CTPS2: variants seen among roughly 807,000 people sequenced by gnomAD.
The protein encoded by CTPS2 is CTP synthase II.
Under a neutral mutation model 46.8 loss-of-function variants are expected in CTPS2, and 19 were observed. The observed-to-expected ratio is 0.41, with a 90% CI of 0.28 to 0.60. The LOEUF is 0.60. CTPS2 is among the 20% of genes least tolerant of loss of function. The pLI, the probability that CTPS2 is intolerant of heterozygous loss-of-function variation, is 0.35. For missense variants in CTPS2, 286 were observed against 447.6 expected (o/e 0.64, Z 3.26); for synonymous variants, 151 against 165.2 (o/e 0.91, Z 0.66).
At chrX:16,592,503 G>A (rs1928963913) in intron 17 of CTPS2, among the ~76,000 whole-genome samples, 2 of 111,612 alleles carry the variant, frequency 1.8e-5, no homozygotes, top group African/African-American at 6.5e-5. Context: ...ATCCAGATCT[G>A]TGCTGGCCTC....
At chrX:16,670,072 ACAC>A (rs1260608388) in intron 11 of CTPS2, among the ~76,000 whole-genome samples, 15 of 70,497 alleles carry the variant, frequency 2.1e-4, no homozygotes, top group Non-Finnish European at 7.7e-5. Flanking sequence ...AAAAAAAAAA[ACAC>A]ACACACACAC....
At chrX:16,701,281 T>G (rs1455493972) in intron 2 of CTPS2, among the ~76,000 whole-genome samples, 1 of 111,808 alleles carries the variant, frequency 8.9e-6, no homozygotes, top group Non-Finnish European at 1.9e-5. Flanking sequence ...CTCATGCCTG[T>G]TGCAGTGGCT....
At chrX:16,595,162 T>TAAACAC (rs1555952295) in intron 17 of CTPS2, among the ~76,000 whole-genome samples, 1 of 102,703 alleles carries the variant, frequency 9.7e-6, no homozygotes, top group Non-Finnish European at 2.0e-5. Flanking sequence ...AGCAATCTTT[T>TAAACAC]ACACACACAC....
At chrX:16,647,568 G>A (rs1399029400) in intron 13 of CTPS2, among the ~76,000 whole-genome samples, 2 of 109,722 alleles carry the variant, frequency 1.8e-5, no homozygotes, top group African/African-American at 6.6e-5. Context: ...GTGCCCGGCC[G>A]CATTGGGCTG....
At chrX:16,667,824 C>G (rs763010579) in intron 11 of CTPS2, 100 bp from the exon 12 acceptor site, 1 of 730,254 alleles carries the variant, frequency 1.4e-6, no homozygotes, top group South Asian at 2.4e-5. Context: ...ATCTAGAATG[C>G]AGACTCCCAG....
At chrX:16,683,525 G>A (rs760441942) in intron 8 of CTPS2, among the ~76,000 whole-genome samples, 1 of 111,711 alleles carries the variant, frequency 9.0e-6, no homozygotes, top group Admixed American at 9.6e-5. Context: ...CTTGAGCCCA[G>A]GAGACCAAGG....
At chrX:16,630,776 A>C (rs754597397) in intron 14 of CTPS2, among the ~76,000 whole-genome samples, 8 of 112,079 alleles carry the variant, frequency 7.1e-5, no homozygotes, top group Non-Finnish European at 1.5e-4. Flanking sequence ...GGGAGCTTTA[A>C]ATTAGGTTGA....
intron 15 of CTPS2, among the ~76,000 whole-genome samples, chrX:16,619,744 T>C (rs1286803705): frequency 3.6e-5 from 4 of 111,760 alleles, no homozygotes; most frequent in Non-Finnish European, 5.6e-5. Flanking sequence ...TTTCGAGAAA[T>C]CTATGTTTCT....
At chrX:16,612,913 C>T (rs1476409296) in intron 16 of CTPS2, among the ~76,000 whole-genome samples, 1 of 111,925 alleles carries the variant, frequency 8.9e-6, no homozygotes, top group Non-Finnish European at 1.9e-5. Flanking sequence ...TATGCAAAGT[C>T]CCTAGCAAGA....
At chrX:16,637,409 G>T (rs1931810018) in intron 14 of CTPS2, among the ~76,000 whole-genome samples, 1 of 111,688 alleles carries the variant, frequency 9.0e-6, no homozygotes, top group African/African-American at 3.3e-5. Context: ...TGTAGAGGCA[G>T]GGTCTCCCCA....
intron 13 of CTPS2, among the ~76,000 whole-genome samples, chrX:16,655,026 C>T (rs1265855416): frequency 2.7e-5 from 3 of 112,299 alleles, no homozygotes; most frequent in Non-Finnish European, 5.6e-5. Flanking sequence ...CCTTGCTCCA[C>T]TTTTCCACCA....
chrX:16,681,918 G>A (rs946469470), intron 9 of CTPS2, among the ~76,000 whole-genome samples: 4 of 111,649 alleles, frequency 3.6e-5, no homozygotes, highest in Non-Finnish European at 7.5e-5. Flanking sequence ...ATATACTCAA[G>A]CTATATAAGA....
chrX:16,684,337 C>T (rs1015993031), intron 8 of CTPS2, among the ~76,000 whole-genome samples: 31 of 108,711 alleles, frequency 2.9e-4, no homozygotes, highest in Non-Finnish European at 1.1e-4. Flanking sequence ...GGTGAAACCT[C>T]GTCTCTACTA....
At chrX:16,600,262 T>G (rs998839937) in intron 17 of CTPS2, among the ~76,000 whole-genome samples, 1 of 112,161 alleles carries the variant, frequency 8.9e-6, no homozygotes, top group African/African-American at 3.2e-5. Flanking sequence ...TTCTTCTCCA[T>G]TAACAGAAAG....
chrX:16,598,789 C>A (rs1291540536), intron 17 of CTPS2, among the ~76,000 whole-genome samples: 1 of 111,487 alleles, frequency 9.0e-6, no homozygotes, highest in East Asian at 2.8e-4. Flanking sequence ...CCTTGATGAA[C>A]ATTGATGCAA....
At chrX:16,619,116 C>T (rs894645072) in intron 15 of CTPS2, among the ~76,000 whole-genome samples, 14 of 112,498 alleles carry the variant, frequency 1.2e-4, no homozygotes, top group Non-Finnish European at 1.7e-4. Flanking sequence ...AAATGTCCTA[C>T]ATGTACCAAA....
At chrX:16,650,511 CTTTTTTTTTTT>C (rs1167079038) in intron 13 of CTPS2, among the ~76,000 whole-genome samples, 3 of 77,209 alleles carry the variant, frequency 3.9e-5, no homozygotes, top group Non-Finnish European at 7.1e-5. Context: ...TCTAAGATGT[CTTTTTTTTTTT>C]TTTTTTTTTT....
At chrX:16,709,835 G>A (rs1355199200) in intron 1 of CTPS2, among the ~76,000 whole-genome samples, 1 of 70,396 alleles carries the variant, frequency 1.4e-5, no homozygotes, top group Non-Finnish European at 2.4e-5. Flanking sequence ...GTGACAGAGT[G>A]AGACTCTGTC....
At chrX:16,683,260 A>G in intron 8 of CTPS2, 34 bp from the exon 9 acceptor site, 1 of 1,187,876 alleles carries the variant, frequency 8.4e-7, no homozygotes. Context: ...GGTTATATGC[A>G]CATAACAGAA....
Sources: allele counts gnomAD v4.1 joint callset (sites outside exome capture counted in the v4.1 genomes callset), GRCh38; gene constraint gnomAD v4.1.1; transcripts MANE v1.5; gene names NCBI Gene and HGNC (gene_info 2026-07-23, HGNC 2026-07-21).